The following MAGI1 variants were observed in gnomAD, a reference collection of about 807,000 sequenced individuals.
MAGI1 encodes membrane-associated guanylate kinase, WW and PDZ domain-containing protein 1.
A neutral mutation model predicts 139.9 loss-of-function variants in MAGI1; 58 were observed. That is an observed-to-expected ratio of 0.41 (90% CI 0.34 to 0.52). MAGI1 has a LOEUF of 0.52. Ranked by LOEUF, MAGI1 falls within the 20% of genes least tolerant of loss-of-function variation. The pLI is 0.12. For synonymous variants in MAGI1, 812 were observed against 737.9 expected, an observed-to-expected ratio of 1.10 and a Z score of -1.63; for missense variants, 1,874 against 1,901.6, an observed-to-expected ratio of 0.99 and a Z score of 0.27.
intron 1 of MAGI1, among the ~76,000 whole-genome samples, chr3:65,886,925 C>T (rs567572061): frequency 6.6e-6 from 1 of 152,312 alleles, no homozygotes; most frequent in Admixed American, 6.5e-5. Flanking sequence ...CACATCTCTT[C>T]TCCAAAAAAC....
intron 1 of MAGI1, among the ~76,000 whole-genome samples, chr3:65,921,463 C>T (rs2062181482): frequency 6.6e-6 from 1 of 151,958 alleles, no homozygotes; most frequent in African/African-American, 2.4e-5. Context: ...TATGCGCCAC[C>T]AGGCCTGGCT....
chr3:65,722,313 TGAG>T (rs2107692219), intron 1 of MAGI1, among the ~76,000 whole-genome samples: 1 of 152,232 alleles, frequency 6.6e-6, no homozygotes, highest in African/African-American at 2.4e-5. Context: ...GGGAAACAGA[TGAG>T]AAGCCGGACA....
intron 5 of MAGI1, among the ~76,000 whole-genome samples, chr3:65,464,651 A>G (rs1575852661): frequency 1.3e-5 from 2 of 152,276 alleles, no homozygotes; most frequent in Middle Eastern, 6.8e-3. Flanking sequence ...ACATACCTAT[A>G]TTGCTACATT....
At chr3:65,868,891 C>CT (rs2059819204) in intron 1 of MAGI1, among the ~76,000 whole-genome samples, 1 of 152,134 alleles carries the variant, frequency 6.6e-6, no homozygotes, top group Non-Finnish European at 1.5e-5. Flanking sequence ...ATACTACCAC[C>CT]TGCTACCTGC....
chr3:65,401,474 GA>G lies in MAGI1; in HGVS notation c.2168-5del. ...CTCTTCTTGGGAACTGGCAGCCCTG[GA>G]AAAAATGCAACAAGGAGGGGAGGGG... On this transcript the variant is annotated splice_region_variant and splice_polypyrimidine_tract_variant and intron_variant, in intron 12 of 22. Transcript: ENST00000402939. The G allele has an allele frequency of 6.2e-7, 1 of 1,611,604 alleles. No homozygotes were observed. Among genetic ancestry groups the G allele is most frequent in the Non-Finnish European group, 8.5e-7 (1 of 1,179,020 alleles).
At chr3:65,530,653 G>GTATATATATATACATATATA (rs2078617179) in intron 2 of MAGI1, among the ~76,000 whole-genome samples, 1 of 94,890 alleles carries the variant, frequency 1.1e-5, no homozygotes, top group Non-Finnish European at 2.2e-5. Flanking sequence ...GTGTGTGTGT[G>GTATATATATATACATATATA]TGTGTGTGTA....
At chr3:65,880,521 A>G (rs1447397109) in intron 1 of MAGI1, among the ~76,000 whole-genome samples, 4 of 152,202 alleles carry the variant, frequency 2.6e-5, no homozygotes, top group African/African-American at 9.6e-5. Flanking sequence ...TGTTGGCAGG[A>G]CAATTATGAA....
intron 1 of MAGI1, among the ~76,000 whole-genome samples, chr3:65,974,675 G>A (rs1406298930): frequency 1.3e-5 from 2 of 152,100 alleles, no homozygotes; most frequent in African/African-American, 4.8e-5. Flanking sequence ...ACTCTTCCAA[G>A]CTCATTCGCA....
At chr3:65,490,081 G>A (rs1412798274) in intron 3 of MAGI1, among the ~76,000 whole-genome samples, 1 of 152,164 alleles carries the variant, frequency 6.6e-6, no homozygotes, top group Non-Finnish European at 1.5e-5. Flanking sequence ...CTGACTAGTA[G>A]AGGGGAAAGG....
chr3:65,595,076 G>A (rs1359593025), intron 2 of MAGI1, among the ~76,000 whole-genome samples: 1 of 152,162 alleles, frequency 6.6e-6, no homozygotes, highest in East Asian at 1.9e-4. Flanking sequence ...ATTAAGCACG[G>A]TGTTTAGCTC....
At chr3:66,030,182 T>C (rs2107592692) in intron 1 of MAGI1, among the ~76,000 whole-genome samples, 2 of 152,294 alleles carry the variant, frequency 1.3e-5, no homozygotes, top group Admixed American at 1.3e-4. Context: ...ACTTTAAGAA[T>C]ATTCCTGGAT....
chr3:65,955,890 G>T (rs1291261432), intron 1 of MAGI1, among the ~76,000 whole-genome samples: 1 of 152,064 alleles, frequency 6.6e-6, no homozygotes, highest in African/African-American at 2.4e-5. Context: ...GGAGGATGCA[G>T]AGAGTAGATA....
intron 1 of MAGI1, among the ~76,000 whole-genome samples, chr3:65,750,707 A>C (rs2036080108): frequency 6.6e-6 from 1 of 152,186 alleles, no homozygotes; most frequent in Admixed American, 6.5e-5. Flanking sequence ...ATAACATTAG[A>C]ATCTCGGGTT....
intron 1 of MAGI1, among the ~76,000 whole-genome samples, chr3:65,869,648 C>T (rs2059868367): frequency 6.6e-6 from 1 of 152,042 alleles, no homozygotes; most frequent in African/African-American, 2.4e-5. Flanking sequence ...GATCCGCCCA[C>T]CTCGGCCTCC....
chr3:65,734,208 A>G (rs1451079752), intron 1 of MAGI1, among the ~76,000 whole-genome samples: 2 of 152,114 alleles, frequency 1.3e-5, no homozygotes, highest in Non-Finnish European at 2.9e-5. Context: ...TAATCTCAGC[A>G]CCTTGGGAGG....
Position 65,354,250 on chromosome 3 carries a change from T to G in MAGI1, c.*2128A>C, listed in dbSNP as rs149520750. 3.9e-5 allele frequency: 6 copies of G among 152,774 alleles called. No individual in the cohort carries two copies. The highest frequency in any genetic ancestry group is 3.4e-3 in the Middle Eastern group (1 of 294). 9.5% of individuals were successfully genotyped at this position (152,774 alleles called of 1,614,324 possible). A position where few individuals can be genotyped will look rare whatever the true frequency, so the allele number is the denominator to read the frequency against. ...CCTTACTACAGCTCAATGTATGCTT[T>G]GTATGGAAAACTTTAATAATAAAAA... On this transcript the variant is annotated 3_prime_UTR_variant, in exon 23 of 23. Coordinates refer to ENST00000402939, the MANE Select transcript of MAGI1 (RefSeq NM_001033057.2).
At chr3:65,491,715 C>T (rs1952048314) in intron 3 of MAGI1, among the ~76,000 whole-genome samples, 1 of 150,460 alleles carries the variant, frequency 6.6e-6, no homozygotes. Context: ...TCCCTCTATA[C>T]ACTCCTAGAC....
At chr3:65,596,708 T>G (rs2082220605) in intron 2 of MAGI1, among the ~76,000 whole-genome samples, 1 of 152,190 alleles carries the variant, frequency 6.6e-6, no homozygotes. Context: ...AGGCATAGCC[T>G]TCCTGAATCT....
chr3:65,714,902 T>C (rs1287405728), intron 1 of MAGI1, among the ~76,000 whole-genome samples: 1 of 152,076 alleles, frequency 6.6e-6, no homozygotes, highest in Non-Finnish European at 1.5e-5. Flanking sequence ...AAAAATAGTA[T>C]AGATATTAAT....
Sources: gnomAD v4.1 joint callset for allele counts (sites outside exome capture counted in the v4.1 genomes callset) on GRCh38, gnomAD v4.1.1 for gene constraint, MANE v1.5 for transcripts, NCBI Gene and HGNC (gene_info 2026-07-23, HGNC 2026-07-21) for gene names.